The following GLIS3 variants were observed in gnomAD, a reference collection of about 807,000 sequenced individuals.
GLIS3 encodes GLIS family zinc finger 3, also known as zinc finger protein GLIS3.
In GLIS3, 53 loss-of-function variants were observed where a neutral mutation model predicts 78.6. The ratio of observed to expected loss-of-function variants is 0.67; its 90% CI spans 0.54 to 0.85. GLIS3 has a LOEUF of 0.85. GLIS3 is among the 40% of genes least tolerant of loss of function. The pLI, the probability that GLIS3 is intolerant of heterozygous loss-of-function variation, is 0.00. For missense variants in GLIS3, 1,703 were observed against 1,231.1 expected (o/e 1.38, Z -5.74); for synonymous variants, 684 against 509.9 (o/e 1.34, Z -4.60).
chr9:4,044,389 G>C (rs1160314853), intron 4 of GLIS3, among the ~76,000 whole-genome samples: 1 of 152,168 alleles, frequency 6.6e-6, no homozygotes, highest in Non-Finnish European at 1.5e-5. Flanking sequence ...TTGTTTTCCT[G>C]ATTGTTCCTT....
At chr9:4,365,639 C>A in the GLIS3 span, among the ~76,000 whole-genome samples, 1 of 152,132 alleles carries the variant, frequency 6.6e-6, no homozygotes, top group Non-Finnish European at 1.5e-5. Context: ...CCCTGACTTG[C>A]TCACTTGGAT....
chr9:4,139,947 C>G (rs1378869018), intron 2 of GLIS3, among the ~76,000 whole-genome samples: 1 of 152,164 alleles, frequency 6.6e-6, no homozygotes, highest in Non-Finnish European at 1.5e-5. Context: ...GACCCCTGGT[C>G]TAAGCTACTC....
intron 4 of GLIS3, among the ~76,000 whole-genome samples, chr9:4,027,651 TTC>T (rs1456500953): frequency 6.6e-6 from 1 of 152,202 alleles, no homozygotes; most frequent in African/African-American, 2.4e-5. Context: ...ACTGTGCTTG[TTC>T]TCTGTTCCTA....
intron 6 of GLIS3, among the ~76,000 whole-genome samples, chr9:3,905,448 G>T (rs897569265): frequency 1.1e-4 from 17 of 152,214 alleles, no homozygotes; most frequent in African/African-American, 3.9e-4. Flanking sequence ...GTCTTTGTTG[G>T]AGTAGAGATT....
At chr9:3,905,550 C>G (rs1823639616) in intron 6 of GLIS3, among the ~76,000 whole-genome samples, 1 of 152,254 alleles carries the variant, frequency 6.6e-6, no homozygotes, top group Non-Finnish European at 1.5e-5. Flanking sequence ...GGCCTAGTAA[C>G]ATGAATGCCT....
chr9:4,409,105 T>G, the GLIS3 span, among the ~76,000 whole-genome samples: 1 of 152,200 alleles, frequency 6.6e-6, no homozygotes. Flanking sequence ...AAACCAGTCT[T>G]GTATGGGAAA....
chr9:4,388,356 T>C, the GLIS3 span, among the ~76,000 whole-genome samples: 1 of 152,186 alleles, frequency 6.6e-6, no homozygotes, highest in Admixed American at 6.5e-5. Context: ...TTTCCATGGT[T>C]AGCTTTACCT....
At chr9:4,017,496 G>C (rs548915660) in intron 4 of GLIS3, among the ~76,000 whole-genome samples, 1 of 152,172 alleles carries the variant, frequency 6.6e-6, no homozygotes. Flanking sequence ...TGTCACATGA[G>C]GGATAGAAAC....
chr9:4,343,120 C>T (rs1587395917), intron 2 of GLIS3, among the ~76,000 whole-genome samples: 1 of 152,152 alleles, frequency 6.6e-6, no homozygotes, highest in East Asian at 1.9e-4. Context: ...AGGAGGATCA[C>T]TTGAGCCCAT....
rs565890525 is a variant in GLIS3, at chr9:4,211,633, T to C, written c.388+74405A>G. On this transcript the variant is annotated intron_variant, in intron 2 of 10. Coordinates refer to ENST00000381971, the MANE Select transcript of GLIS3 (RefSeq NM_001042413.2). ...ACAGTTTGGTAGTTTCTTAAAACGT[T>C]AAATTTAAATTTACCCAGAAATCCC... 1.1e-4 allele frequency among the ~76,000 whole-genome samples: 17 copies of C among 152,352 alleles called. No homozygotes were observed. In the East Asian group the frequency reaches 2.3e-3, roughly 21 times the overall value.
intron 4 of GLIS3, among the ~76,000 whole-genome samples, chr9:4,071,563 G>C (rs982689717): frequency 2.0e-5 from 3 of 152,148 alleles, no homozygotes; most frequent in Non-Finnish European, 4.4e-5. Context: ...CAGATTTTGA[G>C]TTTTAAAAGG....
chr9:4,388,739 C>T, the GLIS3 span, among the ~76,000 whole-genome samples: 14 of 151,960 alleles, frequency 9.2e-5, no homozygotes, highest in South Asian at 2.1e-4. Context: ...ATTCATAGTA[C>T]AATATAAAAT....
chr9:3,968,846 C>A (rs1818157943), intron 4 of GLIS3, among the ~76,000 whole-genome samples: 1 of 152,152 alleles, frequency 6.6e-6, no homozygotes, highest in Non-Finnish European at 1.5e-5. Context: ...ACATTTGGTA[C>A]ATTTAGGGAG....
intron 5 of GLIS3, among the ~76,000 whole-genome samples, chr9:3,935,145 AG>A (rs1825820924): frequency 6.6e-6 from 1 of 152,170 alleles, no homozygotes; most frequent in Admixed American, 6.5e-5. Flanking sequence ...GATTAATGAA[AG>A]GGAACAAGGA....
intron 4 of GLIS3, among the ~76,000 whole-genome samples, chr9:4,053,922 G>A (rs1327930537): frequency 6.6e-6 from 1 of 152,144 alleles, no homozygotes; most frequent in East Asian, 1.9e-4. Context: ...AAGACAGTTT[G>A]CTTCAGGCTT....
intron 2 of GLIS3, among the ~76,000 whole-genome samples, chr9:4,169,604 G>A (rs1344178097): frequency 6.6e-6 from 1 of 152,190 alleles, no homozygotes; most frequent in Admixed American, 6.5e-5. Flanking sequence ...TTAGTTTCCT[G>A]ATTTTCACAG....
At chr9:3,874,455 T>G (rs866996539) in intron 8 of GLIS3, among the ~76,000 whole-genome samples, 5 of 152,220 alleles carry the variant, frequency 3.3e-5, no homozygotes, top group Non-Finnish European at 5.9e-5. Flanking sequence ...TAAATGTGTT[T>G]CCCTGAGTTC....
At chr9:4,437,944 T>A in the GLIS3 span, among the ~76,000 whole-genome samples, 1 of 152,214 alleles carries the variant, frequency 6.6e-6, no homozygotes, top group Non-Finnish European at 1.5e-5. Flanking sequence ...ACTGTTTATG[T>A]TACTAACAAG....
the GLIS3 span, among the ~76,000 whole-genome samples, chr9:4,422,274 GT>G: frequency 6.6e-6 from 1 of 152,176 alleles, no homozygotes; most frequent in African/African-American, 2.4e-5. Context: ...CTGAGAAAGA[GT>G]CCATAGGCCT....
Sources: allele counts gnomAD v4.1 joint callset (sites outside exome capture counted in the v4.1 genomes callset), GRCh38; gene constraint gnomAD v4.1.1; transcripts MANE v1.5; gene names NCBI Gene and HGNC (gene_info 2026-07-23, HGNC 2026-07-21).